Variants in TPPP3 observed in about 807,000 individuals in gnomAD.
TPPP3 encodes tubulin polymerization-promoting protein family member 3.
TPPP3 carries 7 observed loss-of-function variants against 13.1 expected under a neutral mutation model. That is an observed-to-expected ratio of 0.54 (90% CI 0.30 to 1.01). TPPP3 has a LOEUF of 1.01. TPPP3 is among the 50% of genes least tolerant of loss of function. The pLI is 0.06. For missense variants in TPPP3, 185 were observed against 235.0 expected, an observed-to-expected ratio of 0.79 and a Z score of 1.39; for synonymous variants, 87 against 93.7, an observed-to-expected ratio of 0.93 and a Z score of 0.41.
At position 67,390,863 on chromosome 16, in the gene TPPP3, TC is replaced by T; in HGVS notation, c.188+60del. The T allele has an allele frequency of 6.4e-7, 1 of 1,561,070 alleles. No homozygotes were observed. On this transcript the variant is annotated intron_variant, in intron 2 of 3. Coordinates refer to ENST00000393957, the MANE Select transcript of TPPP3 (RefSeq NM_015964.4). This position sits in a 1 kb window ranked among gnomAD's most constrained non-coding sequence, Gnocchi z 6.4. ...ACCCCTTCTTGATGTCCTCCCTGGT[TC>T]CAGCCCCCCAGTTCCCCACCTCCTG...
rs1309379424 is a variant in TPPP3 at position 67,389,893 on chromosome 16, CA to C, written c.*280del. On this transcript the variant is annotated 3_prime_UTR_variant, in exon 4 of 4. Coordinates refer to ENST00000393957, the MANE Select transcript of TPPP3 (RefSeq NM_015964.4). Reference sequence around the variant, plus strand: ...GCAGCTTAAATATGAGGCAAGCAGTCAGGGGTTAGCCATGCCTGGGGCTGGG... The same window carrying C: ...GCAGCTTAAATATGAGGCAAGCAGTCGGGGTTAGCCATGCCTGGGGCTGGG... 1 of 452,552 alleles carries C rather than the reference CA, an allele frequency of 2.2e-6. No individual in the cohort carries two copies. Among genetic ancestry groups the C allele is most frequent in the African/African-American group, 2.0e-5 (1 of 51,136 alleles). 28.0% of individuals were successfully genotyped at this position (452,552 alleles called of 1,614,324 possible).
Position 67,390,814 on chromosome 16 carries a change from C to T in TPPP3, c.188+110G>A. On this transcript the variant is annotated intron_variant, in intron 2 of 3. Coordinates refer to ENST00000393957, the MANE Select transcript of TPPP3 (RefSeq NM_015964.4). The surrounding 1 kb of genome is among the most constrained non-coding windows in gnomAD (Gnocchi z 6.4). ...ATAAGGTTTGCCCTGGAAGAACGAC[C>T]TTCGTGATCATGGTGTTTCCCTGAC... is the stretch of plus-strand genomic sequence containing the variant. 7.0e-7 allele frequency: 1 copy of T among 1,421,764 alleles called. No homozygotes were observed. Among genetic ancestry groups the T allele is most frequent in the Non-Finnish European group, 9.4e-7 (1 of 1,059,196 alleles). 88.1% of individuals were successfully genotyped at this position (1,421,764 alleles called of 1,614,324 possible). A position where few individuals can be genotyped will look rare whatever the true frequency, so the allele number is the denominator to read the frequency against.
Position 67,390,262 on chromosome 16 carries a change from ATGCCCT to A in TPPP3, c.437_442del (p.Lys146_Gly147del), listed in dbSNP as rs756938155. On this transcript the variant is annotated inframe_deletion, in exon 4 of 4. Coordinates refer to ENST00000393957, the MANE Select transcript of TPPP3 (RefSeq NM_015964.4). This position sits in a 1 kb window ranked among gnomAD's most constrained non-coding sequence, Gnocchi z 6.4. ...GTCCAGGATGTCCTGCCGTCCCGCA[ATGCCCT>A]TGCCCTTGCCGCTCTCATCGAAGCG... 1.9e-6 allele frequency: 3 copies of A among 1,614,196 alleles called. No homozygotes were observed. Among genetic ancestry groups the A allele is most frequent in the Non-Finnish European group, 2.5e-6 (3 of 1,180,034 alleles).
Position 67,391,075 on chromosome 16 carries a change from T to C in TPPP3, c.37A>G (p.Ser13Gly). 1 of 1,614,070 alleles carries C rather than the reference T, an allele frequency of 6.2e-7. No homozygotes were observed. Among genetic ancestry groups the C allele is most frequent in the Non-Finnish European group, 8.5e-7 (1 of 1,180,018 alleles). The change falls in exon 2 of 4, where the codon AGC (serine) becomes GGC (glycine). Residue 13 changes from serine (S) to glycine (G), a missense_variant. Coordinates refer to ENST00000393957, the MANE Select transcript of TPPP3 (RefSeq NM_015964.4). This position sits in a 1 kb window ranked among gnomAD's most constrained non-coding sequence, Gnocchi z 6.3. ...CCATGGATGGCAAACTTGCGGAAGC[T>C]CTCCTCCAGCCCAGCCATGTCTGTG... ...ASTDMAGLEE[S>G]FRKFAIHGDP...
chr16:67,390,708 GCCACCACAA>G lies in TPPP3; in HGVS notation c.189-85_189-77del, dbSNP rs2040317041. The G allele has an allele frequency of 1.3e-6, 2 of 1,539,272 alleles. No homozygotes were observed. The highest frequency in any genetic ancestry group is 2.0e-5 in the Admixed American group (1 of 48,812). On this transcript the variant is annotated intron_variant, in intron 2 of 3. Transcript: ENST00000393957. The surrounding 1 kb of genome is among the most constrained non-coding windows in gnomAD (Gnocchi z 6.4). ...AGGGGAAAGCTCAAACACATTTGCT[GCCACCACAA>G]ATTATGCAATTGCGTTTCTTTCCCA... is the stretch of plus-strand genomic sequence containing the variant.
In TPPP3 at chr16:67,390,219, G is replaced by A. The variant is rs11552319; in HGVS notation, c.486C>T (p.Ser162=). ...QDILDDSGYV[S]AYKNAGTYDA... ...CGTAGGTGCCTGCATTCTTGTAGGC[G>A]CTCACGTAGCCACTGTCGTCCAGGA... is the stretch of plus-strand genomic sequence containing the variant. Residue 162 remains serine (S), a synonymous_variant, in exon 4 of 4, where the codon AGC becomes AGT. Transcript: ENST00000393957. The surrounding 1 kb of genome is among the most constrained non-coding windows in gnomAD (Gnocchi z 6.4). 0.052 allele frequency: 84,732 copies of A among 1,614,140 alleles called. 3,492 individuals are homozygous for A. The highest frequency in any genetic ancestry group is 0.21 in the African/African-American group (15,654 of 75,014).
rs1403752117 is a variant in TPPP3 at position 67,392,621 on chromosome 16, C to T, written c.-7+759G>A. 2.6e-5 allele frequency among the ~76,000 whole-genome samples: 4 copies of T among 152,228 alleles called. No individual in the cohort carries two copies. The highest frequency in any genetic ancestry group is 3.9e-4 in the East Asian group (2 of 5,178). On this transcript the variant is annotated intron_variant, in intron 1 of 3. Coordinates refer to ENST00000393957, the MANE Select transcript of TPPP3 (RefSeq NM_015964.4). The surrounding 1 kb of genome is among the most constrained non-coding windows in gnomAD (Gnocchi z 4.9). ...CATTATAAGACTCCCAGGTACTATG[C>T]GGAGATCCCCTGCGTAGAGACCTCC... is the stretch of plus-strand genomic sequence containing the variant.
chr16:67,392,262 C>T lies in TPPP3; in HGVS notation c.-7+1118G>A, dbSNP rs555714374. 1.3e-5 allele frequency among the ~76,000 whole-genome samples: 2 copies of T among 151,906 alleles called. No homozygotes were observed. Among genetic ancestry groups the T allele is most frequent in the East Asian group, 3.9e-4 (2 of 5,166 alleles). On this transcript the variant is annotated intron_variant, in intron 1 of 3. Transcript: ENST00000393957. This position sits in a 1 kb window ranked among gnomAD's most constrained non-coding sequence, Gnocchi z 4.9. ...CCACCAGCCCCCACATATATACTAACAAGCCTGCGCCAACCCCAGTAATAC... is the reference window on the plus strand; with the variant it reads ...CCACCAGCCCCCACATATATACTAATAAGCCTGCGCCAACCCCAGTAATAC...
rs961185048 is a variant in TPPP3 at position 67,392,331 on chromosome 16, G to A, written c.-7+1049C>T. Among the ~76,000 whole-genome samples, 2 of 148,656 alleles carry A rather than the reference G, an allele frequency of 1.3e-5. No individual in the cohort carries two copies. Among genetic ancestry groups the A allele is most frequent in the African/African-American group, 5.0e-5 (2 of 39,992 alleles). On this transcript the variant is annotated intron_variant, in intron 1 of 3. Coordinates refer to ENST00000393957, the MANE Select transcript of TPPP3 (RefSeq NM_015964.4). The surrounding 1 kb of genome is among the most constrained non-coding windows in gnomAD (Gnocchi z 4.9). ...GTGCCCCCCACACCCACAGCCCTCC[G>A]CTGCAGACCCCTGGCCACACCCTGA...
Position 67,393,143 on chromosome 16 carries a change from C to G in TPPP3, c.-7+237G>C, listed in dbSNP as rs2040349798. 1.4e-6 allele frequency: 1 copy of G among 705,550 alleles called. No individual in the cohort carries two copies. Among genetic ancestry groups the G allele is most frequent in the African/African-American group, 1.9e-5 (1 of 51,742 alleles). 43.7% of individuals were successfully genotyped at this position (705,550 alleles called of 1,614,324 possible). ...GCAGGCCATGGATGGAGTGGCCACA[C>G]CCGTGAACTGGAGCCACCCGTCCCG... On this transcript the variant is annotated intron_variant, in intron 1 of 3. Coordinates refer to ENST00000393957, the MANE Select transcript of TPPP3 (RefSeq NM_015964.4). This position sits in a 1 kb window ranked among gnomAD's most constrained non-coding sequence, Gnocchi z 5.4.
In TPPP3 at chr16:67,391,481, G is replaced by C; in HGVS notation, c.-6-364C>G. 1 of 213,936 alleles carries C rather than the reference G, an allele frequency of 4.7e-6. No homozygotes were observed. The highest frequency in any genetic ancestry group is 1.2e-4 in the East Asian group (1 of 8,298). 13.3% of individuals were successfully genotyped at this position (213,936 alleles called of 1,614,324 possible). Reference sequence around the variant, plus strand: ...CAAGGCCTTGCTTGGGTGGAAGTGAGGGTGGCAGAGCAGGCCCCCTCCCTG... The same window carrying C: ...CAAGGCCTTGCTTGGGTGGAAGTGACGGTGGCAGAGCAGGCCCCCTCCCTG... On this transcript the variant is annotated intron_variant, in intron 1 of 3. Transcript: ENST00000393957. The surrounding 1 kb of genome is among the most constrained non-coding windows in gnomAD (Gnocchi z 6.3).
chr16:67,392,980 G>A lies in TPPP3; in HGVS notation c.-7+400C>T, dbSNP rs1423913375. The A allele has an allele frequency of 1.0e-6, 1 of 985,384 alleles. No homozygotes were observed. The highest frequency in any genetic ancestry group is 1.2e-6 in the Non-Finnish European group (1 of 829,988). 61.0% of individuals were successfully genotyped at this position (985,384 alleles called of 1,614,324 possible). On this transcript the variant is annotated intron_variant, in intron 1 of 3. Coordinates refer to ENST00000393957, the MANE Select transcript of TPPP3 (RefSeq NM_015964.4). The surrounding 1 kb of genome is among the most constrained non-coding windows in gnomAD (Gnocchi z 4.9). ...CCAAGGGTAACGTCCAGGGGAGCTTGGATGCCACAGGGTGCTTGGCCCAAG... is the reference window on the plus strand; with the variant it reads ...CCAAGGGTAACGTCCAGGGGAGCTTAGATGCCACAGGGTGCTTGGCCCAAG...
At position 67,393,296 on chromosome 16, in the gene TPPP3, C is replaced by T. The variant is rs1348426016; in HGVS notation, c.-7+84G>A. On this transcript the variant is annotated intron_variant, in intron 1 of 3. Transcript: ENST00000393957. The surrounding 1 kb of genome is among the most constrained non-coding windows in gnomAD (Gnocchi z 5.4). ...GGCTGGGACCGCCGGAGGTTGGGAC[C>T]CTTTCCAGGCTGCTCCCCCCAACCC... The T allele has an allele frequency of 2.0e-6, 2 of 981,224 alleles. No individual in the cohort carries two copies. Among genetic ancestry groups the T allele is most frequent in the Non-Finnish European group, 2.4e-6 (2 of 826,202 alleles). The allele number at this position is 981,224 out of a possible 1,614,324, so 60.8% of individuals were successfully genotyped here. A position where few individuals can be genotyped will look rare whatever the true frequency, so the allele number is the denominator to read the frequency against.
In TPPP3 at chr16:67,390,206, C is replaced by CA. The variant is rs2040307499; in HGVS notation, c.498dup (p.Ala167CysfsTer55). On this transcript the variant is annotated frameshift_variant, in exon 4 of 4. Coordinates refer to ENST00000393957, the MANE Select transcript of TPPP3 (RefSeq NM_015964.4). LOFTEE classifies it high-confidence loss of function. The surrounding 1 kb of genome is among the most constrained non-coding windows in gnomAD (Gnocchi z 6.4). The stretch of plus-strand genomic sequence containing the variant: ...TTCACCTTGGCATCGTAGGTGCCTG[C>CA]ATTCTTGTAGGCGCTCACGTAGCCA... The CA allele has an allele frequency of 1.2e-6, 2 of 1,614,126 alleles. No individual in the cohort carries two copies. Among genetic ancestry groups the CA allele is most frequent in the African/African-American group, 2.7e-5 (2 of 74,956 alleles).
Position 67,391,369 on chromosome 16 carries a change from T to C in TPPP3, c.-6-252A>G. 1 of 525,946 alleles carries C rather than the reference T, an allele frequency of 1.9e-6. No homozygotes were observed. Among genetic ancestry groups the C allele is most frequent in the Non-Finnish European group, 3.4e-6 (1 of 292,002 alleles). The allele number at this position is 525,946 out of a possible 1,614,324, so 32.6% of individuals were successfully genotyped here. On this transcript the variant is annotated intron_variant, in intron 1 of 3. Transcript: ENST00000393957. The surrounding 1 kb of genome is among the most constrained non-coding windows in gnomAD (Gnocchi z 6.3). ...TCTCAGCAGGGTTCAGCAGATGAAA[T>C]AATGATGCCCACAGGGAACAGAGTG...
Position 67,390,830 on chromosome 16 carries a change from T to C in TPPP3, c.188+94A>G. ...AAGAACGACCTTCGTGATCATGGTGTTTCCCTGACCCCTTCTTGATGTCCT... is the reference window on the plus strand; with the variant it reads ...AAGAACGACCTTCGTGATCATGGTGCTTCCCTGACCCCTTCTTGATGTCCT... On this transcript the variant is annotated intron_variant, in intron 2 of 3. Coordinates refer to ENST00000393957, the MANE Select transcript of TPPP3 (RefSeq NM_015964.4). This position sits in a 1 kb window ranked among gnomAD's most constrained non-coding sequence, Gnocchi z 6.4. The C allele has an allele frequency of 6.9e-7, 1 of 1,454,642 alleles. No homozygotes were observed. The highest frequency in any genetic ancestry group is 1.3e-5 in the South Asian group (1 of 75,014). The allele number at this position is 1,454,642 out of a possible 1,614,324, so 90.1% of individuals were successfully genotyped here. A position where few individuals can be genotyped will look rare whatever the true frequency, so the allele number is the denominator to read the frequency against.
In TPPP3 at chr16:67,390,810, C is replaced by T. The variant is rs530893030; in HGVS notation, c.188+114G>A. 1.6e-4 allele frequency: 227 copies of T among 1,412,184 alleles called. No individual in the cohort carries two copies. Among genetic ancestry groups the T allele is most frequent in the Non-Finnish European group, 2.0e-4 (213 of 1,053,014 alleles). 87.5% of individuals were successfully genotyped at this position (1,412,184 alleles called of 1,614,324 possible). ...AGATATAAGGTTTGCCCTGGAAGAA[C>T]GACCTTCGTGATCATGGTGTTTCCC... On this transcript the variant is annotated intron_variant, in intron 2 of 3. Coordinates refer to ENST00000393957, the MANE Select transcript of TPPP3 (RefSeq NM_015964.4). The surrounding 1 kb of genome is among the most constrained non-coding windows in gnomAD (Gnocchi z 6.4).
rs765472404 is a variant in TPPP3 at position 67,390,440 on chromosome 16, C to A, written c.342+39G>T. Reference sequence around the variant, plus strand: ...CCACCCACAGCCACGATTCCCCACACCCCATTCCGTGGCCACCCGAGACCA... The same window carrying A: ...CCACCCACAGCCACGATTCCCCACAACCCATTCCGTGGCCACCCGAGACCA... On this transcript the variant is annotated intron_variant, in intron 3 of 3. Coordinates refer to ENST00000393957, the MANE Select transcript of TPPP3 (RefSeq NM_015964.4). This position sits in a 1 kb window ranked among gnomAD's most constrained non-coding sequence, Gnocchi z 6.4. 3.0e-5 allele frequency: 48 copies of A among 1,610,616 alleles called. No individual in the cohort carries two copies. In the South Asian group the frequency reaches 3.5e-4, roughly 12 times the overall value.
Position 67,392,822 on chromosome 16 carries a change from G to T in TPPP3, c.-7+558C>A. On this transcript the variant is annotated intron_variant, in intron 1 of 3. Transcript: ENST00000393957. The surrounding 1 kb of genome is among the most constrained non-coding windows in gnomAD (Gnocchi z 4.9). ...AGTGACCACACTCCCATCCCTAAGT[G>T]GCAGTTTCTGGGACTGTGAGCACCG... The T allele has an allele frequency of 3.3e-6, 1 of 301,828 alleles. No individual in the cohort carries two copies. Among genetic ancestry groups the T allele is most frequent in the Non-Finnish European group, 4.9e-6 (1 of 204,834 alleles). The allele number at this position is 301,828 out of a possible 1,614,324, so 18.7% of individuals were successfully genotyped here. A position where few individuals can be genotyped will look rare whatever the true frequency, so the allele number is the denominator to read the frequency against.
Sources: allele counts gnomAD v4.1 joint callset (sites outside exome capture counted in the v4.1 genomes callset), GRCh38; gene constraint gnomAD v4.1.1; non-coding constraint Gnocchi (gnomAD v3.1); transcripts MANE v1.5; gene names NCBI Gene and HGNC (gene_info 2026-07-23, HGNC 2026-07-21).